The following SORCS2 variants were observed in gnomAD, a reference collection of about 807,000 sequenced individuals.
SORCS2 encodes the protein sortilin related VPS10 domain containing receptor 2.
Under a neutral mutation model 141.6 loss-of-function variants are expected in SORCS2, and 100 were observed. The ratio of observed to expected loss-of-function variants is 0.71; its 90% CI spans 0.60 to 0.83. SORCS2 has a LOEUF of 0.83. Ranked by LOEUF, SORCS2 falls within the 40% of genes least tolerant of loss-of-function variation. The pLI is 0.00. For synonymous variants in SORCS2, 789 were observed against 676.9 expected (o/e 1.17, Z -2.57); for missense variants, 1,646 against 1,560.2 (o/e 1.05, Z -0.93).
At chr4:7,593,891 G>A (rs930843891) in intron 3 of SORCS2, among the ~76,000 whole-genome samples, 5 of 152,174 alleles carry the variant, frequency 3.3e-5, no homozygotes, top group African/African-American at 7.2e-5. Flanking sequence ...GGCGCTACTC[G>A]GAGACTCATT....
intron 3 of SORCS2, among the ~76,000 whole-genome samples, chr4:7,536,992 C>A (rs1350410654): frequency 6.6e-6 from 1 of 152,178 alleles, no homozygotes; most frequent in Non-Finnish European, 1.5e-5. Flanking sequence ...TGCTTGAACC[C>A]AGGCCTGCCA....
chr4:7,208,598 C>A (rs909619292), intron 1 of SORCS2, among the ~76,000 whole-genome samples: 1 of 152,206 alleles, frequency 6.6e-6, no homozygotes, highest in African/African-American at 2.4e-5. Flanking sequence ...CAGCTCCATC[C>A]TCTGTCTGCC....
In SORCS2 at chr4:7,193,136, CT is replaced by C; in HGVS notation, c.480+11del. ...GGGCGAGAACAGCAGCGTAAGTGAC[CT>C]CCACGCGCTCGCCGCGGCCCCTACC... is the stretch of plus-strand genomic sequence containing the variant. On this transcript the variant is annotated intron_variant, in intron 1 of 26. Coordinates refer to ENST00000507866, the MANE Select transcript of SORCS2 (RefSeq NM_020777.3). The surrounding 1 kb of genome is among the most constrained non-coding windows in gnomAD (Gnocchi z 4.8). The C allele has an allele frequency of 6.6e-7, 1 of 1,511,882 alleles. No individual in the cohort carries two copies. The highest frequency in any genetic ancestry group is 8.8e-7 in the Non-Finnish European group (1 of 1,140,306). 93.7% of individuals were successfully genotyped at this position (1,511,882 alleles called of 1,614,324 possible).
intron 2 of SORCS2, among the ~76,000 whole-genome samples, chr4:7,459,123 G>A (rs1729125167): frequency 6.6e-6 from 1 of 152,114 alleles, no homozygotes; most frequent in African/African-American, 2.4e-5. Context: ...TGGCCCTGAG[G>A]GGTGCAGTGA....
intron 1 of SORCS2, among the ~76,000 whole-genome samples, chr4:7,263,762 T>A (rs1389882976): frequency 6.6e-6 from 1 of 152,216 alleles, no homozygotes; most frequent in East Asian, 1.9e-4. Flanking sequence ...GACTCCACTG[T>A]GGACACCCAC....
intron 12 of SORCS2, among the ~76,000 whole-genome samples, chr4:7,699,668 G>A (rs934119997): frequency 2.8e-4 from 42 of 152,148 alleles, no homozygotes; most frequent in African/African-American, 9.7e-4. Context: ...AAAGGGTGGG[G>A]AATCATGCTC....
rs1488150798 is a variant in SORCS2 at position 7,363,271 on chromosome 4, C to T, written c.481-33017C>T. ...ATCATCACCATCATTACTACCATTA[C>T]CATGATCATTATCATCATTACCACC... On this transcript the variant is annotated intron_variant, in intron 1 of 26. Coordinates refer to ENST00000507866, the MANE Select transcript of SORCS2 (RefSeq NM_020777.3). Among the ~76,000 whole-genome samples, 6 of 147,270 alleles carry T rather than the reference C, an allele frequency of 4.1e-5. No individual in the cohort carries two copies. In the East Asian group the frequency reaches 1.4e-3, roughly 33 times the overall value.
chr4:7,266,308 C>T (rs1714725230), intron 1 of SORCS2, among the ~76,000 whole-genome samples: 2 of 152,218 alleles, frequency 1.3e-5, no homozygotes, highest in Non-Finnish European at 2.9e-5. Context: ...CTGGACTCCT[C>T]TGGTGAAGTG....
intron 3 of SORCS2, among the ~76,000 whole-genome samples, chr4:7,543,996 TCATC>T (rs1400090301): frequency 7.8e-5 from 2 of 25,554 alleles, no homozygotes; most frequent in African/African-American, 1.6e-4. Context: ...ATCCATCCAC[TCATC>T]CATCCATCCA....
chr4:7,223,424 ATTTC>A (rs1029400874), intron 1 of SORCS2, among the ~76,000 whole-genome samples: 1 of 152,140 alleles, frequency 6.6e-6, no homozygotes, highest in African/African-American at 2.4e-5. Context: ...CCACACGGTC[ATTTC>A]TTTATTTTTG....
In SORCS2 at chr4:7,741,266, C is replaced by T. The variant is rs1712647967; in HGVS notation, c.*1002C>T. On this transcript the variant is annotated 3_prime_UTR_variant, in exon 27 of 27. Coordinates refer to ENST00000507866, the MANE Select transcript of SORCS2 (RefSeq NM_020777.3). Reference sequence around the variant, plus strand: ...ATGGCAGGGCTGGAAGGGCCATCAGCGTGACCCTCATTTTCAAGAAGGGGA... The same window carrying T: ...ATGGCAGGGCTGGAAGGGCCATCAGTGTGACCCTCATTTTCAAGAAGGGGA... The T allele has an allele frequency of 3.0e-5, 12 of 398,766 alleles. No individual in the cohort carries two copies. The highest frequency in any genetic ancestry group is 4.9e-5 in the Non-Finnish European group (11 of 226,138). 24.7% of individuals were successfully genotyped at this position (398,766 alleles called of 1,614,324 possible). A position where few individuals can be genotyped will look rare whatever the true frequency, so the allele number is the denominator to read the frequency against.
chr4:7,736,634 C>T (rs1022384633), intron 25 of SORCS2, among the ~76,000 whole-genome samples: 10 of 152,170 alleles, frequency 6.6e-5, no homozygotes, highest in African/African-American at 9.7e-5. Flanking sequence ...TCCCCCAGGA[C>T]GCCTGGATGG....
chr4:7,426,183 G>T (rs1349929423), intron 2 of SORCS2, among the ~76,000 whole-genome samples: 1 of 152,250 alleles, frequency 6.6e-6, no homozygotes, highest in African/African-American at 2.4e-5. Flanking sequence ...GCCGGGAGTT[G>T]CGGGCCAGGG....
At chr4:7,604,397 A>G (rs564568763) in intron 3 of SORCS2, among the ~76,000 whole-genome samples, 1 of 152,332 alleles carries the variant, frequency 6.6e-6, no homozygotes, top group Non-Finnish European at 1.5e-5. Flanking sequence ...GGCTCACTGC[A>G]AGCTCCGCCT....
At chr4:7,282,142 C>T (rs1715924442) in intron 1 of SORCS2, among the ~76,000 whole-genome samples, 1 of 152,218 alleles carries the variant, frequency 6.6e-6, no homozygotes, top group Admixed American at 6.5e-5. Context: ...ACCTTCATGG[C>T]TTGGTTCCTG....
At chr4:7,729,479 A>G (rs1057175185) in intron 22 of SORCS2, 108 bp from the exon 23 acceptor site, 27 of 1,391,048 alleles carry the variant, frequency 1.9e-5, no homozygotes, top group Non-Finnish European at 2.6e-5. Context: ...ACGGCCTGTG[A>G]GACAGGTGTA....
At chr4:7,612,523 G>T (rs1164437076) in intron 3 of SORCS2, among the ~76,000 whole-genome samples, 2 of 152,020 alleles carry the variant, frequency 1.3e-5, no homozygotes, top group Non-Finnish European at 2.9e-5. Context: ...GCTTGGGCTG[G>T]GGGAACCAGT....
At chr4:7,292,884 G>A (rs1278435312) in intron 1 of SORCS2, among the ~76,000 whole-genome samples, 1 of 152,218 alleles carries the variant, frequency 6.6e-6, no homozygotes, top group Non-Finnish European at 1.5e-5. Flanking sequence ...AGGAAAAATA[G>A]CCCATGCTTA....
intron 2 of SORCS2, among the ~76,000 whole-genome samples, chr4:7,517,249 C>T (rs1733047172): frequency 6.6e-6 from 1 of 152,206 alleles, no homozygotes; most frequent in Non-Finnish European, 1.5e-5. Context: ...TCCATAACAT[C>T]TTCCCACTCA....
Sources: allele counts gnomAD v4.1 joint callset (sites outside exome capture counted in the v4.1 genomes callset), GRCh38; gene constraint gnomAD v4.1.1; non-coding constraint Gnocchi (gnomAD v3.1); transcripts MANE v1.5; gene names NCBI Gene and HGNC (gene_info 2026-07-23, HGNC 2026-07-21).